BCAS3: variants seen among roughly 807,000 people sequenced by gnomAD.
The protein encoded by BCAS3 is BCAS3 microtubule associated cell migration factor.
In BCAS3, 53 loss-of-function variants were observed where a neutral mutation model predicts 116.1. The observed-to-expected ratio is 0.46, with a 90% CI of 0.37 to 0.57. BCAS3 has a LOEUF of 0.57. Among genes scored for constraint, BCAS3 ranks in the 20% least tolerant of loss-of-function variants. The probability of loss-of-function intolerance (pLI) is 0.00; values close to 1 mark genes in which losing one functional copy is unlikely to be tolerated. For missense variants in BCAS3, 917 were observed against 1,165.4 expected (o/e 0.79, Z 3.10); for synonymous variants, 391 against 408.2 (o/e 0.96, Z 0.51).
chr17:60,723,576 G>A (rs1028495668), intron 5 of BCAS3, among the ~76,000 whole-genome samples: 9 of 151,954 alleles, frequency 5.9e-5, no homozygotes, highest in Non-Finnish European at 1.3e-4. Flanking sequence ...TAAATATATA[G>A]CCATAGCACT....
chr17:61,009,427 A>G (rs990737742), intron 15 of BCAS3, among the ~76,000 whole-genome samples: 1 of 151,984 alleles, frequency 6.6e-6, no homozygotes, highest in African/African-American at 2.4e-5. Flanking sequence ...TTTGTCCTCC[A>G]TTAACAATAA....
chr17:61,209,149 A>AG (rs1469125429), intron 22 of BCAS3, among the ~76,000 whole-genome samples: 4 of 148,824 alleles, frequency 2.7e-5, no homozygotes, highest in Non-Finnish European at 5.9e-5. Flanking sequence ...AAGAAGAAGA[A>AG]AAAAAAAAGG....
intron 11 of BCAS3, among the ~76,000 whole-genome samples, chr17:60,909,192 A>G (rs1297360835): frequency 2.6e-5 from 4 of 152,172 alleles, no homozygotes; most frequent in Admixed American, 6.5e-5. Flanking sequence ...TAATGCATCT[A>G]TTATTAGTGC....
At chr17:60,897,913 T>A (rs1044529874) in intron 10 of BCAS3, among the ~76,000 whole-genome samples, 35 of 151,734 alleles carry the variant, frequency 2.3e-4, no homozygotes, top group African/African-American at 6.5e-4. Context: ...TTTTTATTTT[T>A]TTTTTTGGTA....
chr17:61,091,908 G>A (rs2073603732), intron 22 of BCAS3, among the ~76,000 whole-genome samples: 1 of 152,102 alleles, frequency 6.6e-6, no homozygotes. Context: ...TTTGGGTATA[G>A]CAAAAATGCA....
chr17:60,802,295 A>AAAAAAAT (rs1299403402), intron 6 of BCAS3, among the ~76,000 whole-genome samples: 45 of 127,938 alleles, frequency 3.5e-4, no homozygotes, highest in African/African-American at 1.6e-3. Flanking sequence ...AAAAAAAAAA[A>AAAAAAAT]ATATATATAT....
chr17:61,252,187 G>A (rs2048422118), intron 22 of BCAS3, among the ~76,000 whole-genome samples: 1 of 152,210 alleles, frequency 6.6e-6, no homozygotes, highest in Non-Finnish European at 1.5e-5. Context: ...TTAGAGTTCA[G>A]TTTCTGATGG....
chr17:60,723,179 C>T (rs1193927464), intron 5 of BCAS3, among the ~76,000 whole-genome samples: 1 of 152,068 alleles, frequency 6.6e-6, no homozygotes, highest in African/African-American at 2.4e-5. Flanking sequence ...GTCATTCTTT[C>T]AGTCTCTGTA....
At chr17:60,812,801 C>G (rs2048958928) in intron 7 of BCAS3, among the ~76,000 whole-genome samples, 1 of 152,044 alleles carries the variant, frequency 6.6e-6, no homozygotes, top group Non-Finnish European at 1.5e-5. Flanking sequence ...GTGCAGTGGT[C>G]CAATCATAGC....
intron 22 of BCAS3, among the ~76,000 whole-genome samples, chr17:61,125,691 T>C (rs1198466223): frequency 6.6e-6 from 1 of 152,200 alleles, no homozygotes. Flanking sequence ...GGACATACAC[T>C]ATTCCCAAGA....
intron 22 of BCAS3, among the ~76,000 whole-genome samples, chr17:61,094,953 T>C (rs1458501370): frequency 6.6e-6 from 1 of 152,272 alleles, no homozygotes; most frequent in Non-Finnish European, 1.5e-5. Flanking sequence ...ATTTTCCGAA[T>C]GACCAGTTTC....
intron 20 of BCAS3, 75 bp from the exon 21 acceptor site, chr17:61,078,258 G>A: frequency 8.2e-7 from 1 of 1,218,764 alleles, no homozygotes; most frequent in Non-Finnish European, 1.2e-6. Context: ...GTGTTAAGAG[G>A]AAGAATGGGG....
intron 11 of BCAS3, among the ~76,000 whole-genome samples, chr17:60,904,772 A>G (rs2058099670): frequency 6.6e-6 from 1 of 152,212 alleles, no homozygotes; most frequent in Admixed American, 6.5e-5. Context: ...GGCCGAGGCT[A>G]CAGTGAGCCA....
rs1306611109 is a variant in BCAS3 at position 61,319,400 on chromosome 17, A to G, written c.2426-48927A>G. ...GTACAATCTAGCTTGATAATTTACA[A>G]TTCTGCTGGGATTAGTATGAGGAAT... is the stretch of plus-strand genomic sequence containing the variant. On this transcript the variant is annotated intron_variant, in intron 22 of 23. Coordinates refer to ENST00000407086, the MANE Select transcript of BCAS3 (RefSeq NM_017679.5). Among the ~76,000 whole-genome samples the G allele has an allele frequency of 2.0e-5, 3 of 152,226 alleles. No individual in the cohort carries two copies. The East Asian group carries it at 5.8e-4, about 29-fold the overall frequency.
At chr17:61,384,885 G>A (rs770870715) in intron 23 of BCAS3, among the ~76,000 whole-genome samples, 21 of 152,202 alleles carry the variant, frequency 1.4e-4, no homozygotes, top group Non-Finnish European at 2.8e-4. Context: ...TGGTGGGGAG[G>A]GGAGCCCCAC....
At chr17:61,375,246 G>GTGCGCGCGCGCGCGCGCACA (rs1555861734) in intron 23 of BCAS3, among the ~76,000 whole-genome samples, 7 of 150,666 alleles carry the variant, frequency 4.6e-5, no homozygotes, top group African/African-American at 1.7e-4. Context: ...GTGTGTGTGT[G>GTGCGCGCGCGCGCGCGCACA]TGTGTGTGTA....
intron 7 of BCAS3, among the ~76,000 whole-genome samples, chr17:60,861,810 A>G (rs2054182894): frequency 6.6e-6 from 1 of 152,114 alleles, no homozygotes; most frequent in Non-Finnish European, 1.5e-5. Flanking sequence ...GAATATGTTG[A>G]ACCAAACTTG....
At position 61,365,578 on chromosome 17, in the gene BCAS3, C is replaced by T. The variant is rs1433975930; in HGVS notation, c.2426-2749C>T. Among the ~76,000 whole-genome samples the T allele has an allele frequency of 3.3e-5, 5 of 152,176 alleles. No homozygotes were observed. On this transcript the variant is annotated intron_variant, in intron 22 of 23. Coordinates refer to ENST00000407086, the MANE Select transcript of BCAS3 (RefSeq NM_017679.5). The surrounding 1 kb of genome is among the most constrained non-coding windows in gnomAD (Gnocchi z 4.6). ...CAAACTCTTGGCCTCAAGTGATCTG[C>T]TCACCTTGGCCTCCCAAAGTGCTGG...
At position 60,904,181 on chromosome 17, in the gene BCAS3, G is replaced by A. The variant is rs930881060; in HGVS notation, c.822+1478G>A. ...AGCACTTTGGGAGGCTGAGGTGGGC[G>A]GATCATGAGGTCAGGAGTTCAAGAT... On this transcript the variant is annotated intron_variant, in intron 11 of 23. Transcript: ENST00000407086. 2.1e-4 allele frequency among the ~76,000 whole-genome samples: 32 copies of A among 152,120 alleles called. No individual in the cohort carries two copies. The South Asian group carries it at 2.5e-3, about 12-fold the overall frequency.
Sources: gnomAD v4.1 joint callset for allele counts (sites outside exome capture counted in the v4.1 genomes callset) on GRCh38, gnomAD v4.1.1 for gene constraint, Gnocchi (gnomAD v3.1) non-coding constraint, MANE v1.5 for transcripts, NCBI Gene and HGNC (gene_info 2026-07-23, HGNC 2026-07-21) for gene names.